CAMTA1: variants seen among roughly 807,000 people sequenced by gnomAD.
CAMTA1 encodes the protein calmodulin-binding transcription activator 1.
A neutral mutation model predicts 170.9 loss-of-function variants in CAMTA1; 27 were observed. The ratio of observed to expected loss-of-function variants is 0.16; its 90% CI spans 0.12 to 0.22. The LOEUF (loss-of-function observed/expected upper bound fraction) is 0.22, where lower values mean the gene tolerates loss of function less well. CAMTA1 is among the 10% of genes least tolerant of loss of function. The probability of loss-of-function intolerance (pLI) is 1.00; values close to 1 mark genes in which losing one functional copy is unlikely to be tolerated. For synonymous variants in CAMTA1, 833 were observed against 891.5 expected, an observed-to-expected ratio of 0.93 and a Z score of 1.17; for missense variants, 1,619 against 2,217.2, an observed-to-expected ratio of 0.73 and a Z score of 5.42.
chr1:7,242,756 G>A (rs1021056327), intron 4 of CAMTA1, among the ~76,000 whole-genome samples: 2 of 146,740 alleles, frequency 1.4e-5, no homozygotes, highest in Admixed American at 6.7e-5. Flanking sequence ...GTGAAACCCC[G>A]TCTCTACTGA....
chr1:7,112,705 C>A (rs1644136654), intron 4 of CAMTA1, among the ~76,000 whole-genome samples: 1 of 152,232 alleles, frequency 6.6e-6, no homozygotes, highest in Non-Finnish European at 1.5e-5. Flanking sequence ...CCATTGAACA[C>A]AAGGGCAGGG....
At chr1:7,233,706 C>T (rs1270488562) in intron 4 of CAMTA1, among the ~76,000 whole-genome samples, 1 of 152,096 alleles carries the variant, frequency 6.6e-6, no homozygotes, top group Non-Finnish European at 1.5e-5. Flanking sequence ...CAGTTGCTTC[C>T]ATGGCCTCGA....
At chr1:7,600,711 C>T (rs1301574735) in intron 6 of CAMTA1, among the ~76,000 whole-genome samples, 1 of 151,980 alleles carries the variant, frequency 6.6e-6, no homozygotes, top group Non-Finnish European at 1.5e-5. Context: ...CTTCAAGCAT[C>T]TGTTTAACAA....
At chr1:6,924,794 C>G (rs1430513696) in intron 3 of CAMTA1, among the ~76,000 whole-genome samples, 1 of 152,158 alleles carries the variant, frequency 6.6e-6, no homozygotes, top group Non-Finnish European at 1.5e-5. Context: ...TATTACTATA[C>G]CGGGGAATCT....
At chr1:6,969,293 T>C (rs1692114520) in intron 3 of CAMTA1, among the ~76,000 whole-genome samples, 1 of 152,064 alleles carries the variant, frequency 6.6e-6, no homozygotes, top group Non-Finnish European at 1.5e-5. Flanking sequence ...TGTTTGTGGT[T>C]TGTGGAGGCG....
chr1:7,492,313 G>A (rs2093715876), intron 6 of CAMTA1, among the ~76,000 whole-genome samples: 3 of 152,194 alleles, frequency 2.0e-5, no homozygotes, highest in Non-Finnish European at 4.4e-5. Context: ...GCTCTGCCCT[G>A]CTTAGGGCTG....
At chr1:7,211,706 C>A (rs1194941477) in intron 4 of CAMTA1, among the ~76,000 whole-genome samples, 1 of 152,196 alleles carries the variant, frequency 6.6e-6, no homozygotes, top group Non-Finnish European at 1.5e-5. Context: ...CGGCTCCTTT[C>A]AGCAGAGAAT....
intron 11 of CAMTA1, among the ~76,000 whole-genome samples, chr1:7,701,907 G>A (rs778564508): frequency 3.3e-5 from 5 of 152,136 alleles, no homozygotes; most frequent in African/African-American, 1.2e-4. Context: ...TTGGAAGAAA[G>A]AACATGAATA....
intron 5 of CAMTA1, among the ~76,000 whole-genome samples, chr1:7,276,305 T>TATATA (rs1558345669): frequency 2.5e-4 from 5 of 20,152 alleles, no homozygotes; most frequent in East Asian, 2.0e-3. Flanking sequence ...ATATATATAT[T>TATATA]TTTTTTTTTT....
At chr1:7,519,162 A>C (rs1306013276) in intron 6 of CAMTA1, among the ~76,000 whole-genome samples, 1 of 152,120 alleles carries the variant, frequency 6.6e-6, no homozygotes, top group African/African-American at 2.4e-5. Flanking sequence ...TCAAAAGCTC[A>C]TTTACAAGGT....
intron 9 of CAMTA1, among the ~76,000 whole-genome samples, chr1:7,669,065 G>C (rs1192328499): frequency 6.6e-6 from 1 of 152,154 alleles, no homozygotes; most frequent in African/African-American, 2.4e-5. Flanking sequence ...GGGATGCTGT[G>C]GTCAGAAGGG....
chr1:7,747,900 T>A, intron 19 of CAMTA1, 119 bp downstream of exon 19: 1 of 577,348 alleles, frequency 1.7e-6, no homozygotes. Context: ...AATTTGTTTT[T>A]TGGTTGTTTT....
At chr1:7,308,358 T>C (rs544472665) in intron 5 of CAMTA1, among the ~76,000 whole-genome samples, 1 of 152,168 alleles carries the variant, frequency 6.6e-6, no homozygotes, top group African/African-American at 2.4e-5. Context: ...CATTTGTAAT[T>C]CATTCTTATT....
intron 3 of CAMTA1, among the ~76,000 whole-genome samples, chr1:6,946,647 A>T (rs754803173): frequency 1.3e-5 from 2 of 152,140 alleles, no homozygotes; most frequent in Non-Finnish European, 2.9e-5. Context: ...ATTCTTTGCC[A>T]ATTTTAAAAT....
At position 7,333,549 on chromosome 1, in the gene CAMTA1, A is replaced by G. The variant is rs2083164581; in HGVS notation, c.438+83923A>G. Among the ~76,000 whole-genome samples the G allele has an allele frequency of 1.3e-5, 2 of 152,204 alleles. No homozygotes were observed. The highest frequency in any genetic ancestry group is 4.8e-5 in the African/African-American group (2 of 41,452). On this transcript the variant is annotated intron_variant, in intron 5 of 22. Transcript: ENST00000303635. This position sits in a 1 kb window ranked among gnomAD's most constrained non-coding sequence, Gnocchi z 4.4. Reference sequence around the variant, plus strand: ...CAGGGGCTCCTGCCATGCGCAGCCAAGGCATTGGATCTTCATATTGGATCC... The same window carrying G: ...CAGGGGCTCCTGCCATGCGCAGCCAGGGCATTGGATCTTCATATTGGATCC...
chr1:6,822,490 A>G (rs1646605139), intron 2 of CAMTA1, among the ~76,000 whole-genome samples: 1 of 152,102 alleles, frequency 6.6e-6, no homozygotes, highest in Admixed American at 6.6e-5. Flanking sequence ...AAATTTACCC[A>G]TTGTTATGTT....
At chr1:7,194,702 C>G (rs1368402021) in intron 4 of CAMTA1, among the ~76,000 whole-genome samples, 1 of 152,090 alleles carries the variant, frequency 6.6e-6, no homozygotes, top group African/African-American at 2.4e-5. Flanking sequence ...AGAGGACTTG[C>G]GATATTTCAT....
chr1:7,193,603 G>A lies in CAMTA1; in HGVS notation c.303-55888G>A, dbSNP rs115396581. On this transcript the variant is annotated intron_variant, in intron 4 of 22. Transcript: ENST00000303635. ...GAAAGGACATAGGGAGGTGAAGGACGCAGACCCTGAAGACAAAGTCCTTCC... is the reference window on the plus strand; with the variant it reads ...GAAAGGACATAGGGAGGTGAAGGACACAGACCCTGAAGACAAAGTCCTTCC... 3.4e-3 allele frequency among the ~76,000 whole-genome samples: 510 copies of A among 152,082 alleles called. 3 individuals are homozygous for A. The highest frequency in any genetic ancestry group is 0.011 in the African/African-American group (475 of 41,496).
At chr1:7,375,721 C>G (rs12033080) in intron 5 of CAMTA1, among the ~76,000 whole-genome samples, 1 of 152,190 alleles carries the variant, frequency 6.6e-6, no homozygotes, top group Non-Finnish European at 1.5e-5. Flanking sequence ...ACTGGGGCCT[C>G]GATTCCAGGC....
Sources: gnomAD v4.1 joint callset for allele counts (sites outside exome capture counted in the v4.1 genomes callset) on GRCh38, gnomAD v4.1.1 for gene constraint, Gnocchi (gnomAD v3.1) non-coding constraint, MANE v1.5 for transcripts, NCBI Gene and HGNC (gene_info 2026-07-23, HGNC 2026-07-21) for gene names.